EGFR: variants seen among roughly 807,000 people sequenced by gnomAD.
EGFR encodes avian erythroblastic leukemia viral (v-erb-b) oncogene homolog.
A neutral mutation model predicts 143.0 loss-of-function variants in EGFR; 58 were observed. That is an observed-to-expected ratio of 0.41 (90% CI 0.33 to 0.50). The LOEUF (loss-of-function observed/expected upper bound fraction) is 0.50. Among genes scored for constraint, EGFR ranks in the 20% least tolerant of loss-of-function variants. The pLI, the probability that EGFR is intolerant of heterozygous loss-of-function variation, is 0.39. For missense variants in EGFR, 1,307 were observed against 1,579.0 expected (o/e 0.83, Z 2.92); for synonymous variants, 613 against 594.4 (o/e 1.03, Z -0.45).
At chr7:55,149,200 A>T (rs1199306445) in intron 4 of EGFR, among the ~76,000 whole-genome samples, 1 of 152,204 alleles carries the variant, frequency 6.6e-6, no homozygotes, top group Non-Finnish European at 1.5e-5. Context: ...GGCTACCAGG[A>T]AAATATTGTG....
At chr7:55,116,220 C>T (rs1003670440) in intron 1 of EGFR, among the ~76,000 whole-genome samples, 1 of 152,216 alleles carries the variant, frequency 6.6e-6, no homozygotes, top group African/African-American at 2.4e-5. Flanking sequence ...ATCCCCTGAC[C>T]TCAAGCTCAG....
At chr7:55,179,737 T>C (rs900015796) in intron 19 of EGFR, 4 of 152,210 alleles carry the variant, frequency 2.6e-5, no homozygotes, top group Non-Finnish European at 5.9e-5. Flanking sequence ...ATGAAAAACG[T>C]TGGGGAAAAA....
intron 1 of EGFR, among the ~76,000 whole-genome samples, chr7:55,055,513 A>G (rs17289092): frequency 0.021 from 3,214 of 152,272 alleles, 111 homozygotes; most frequent in African/African-American, 0.073. Flanking sequence ...TAACACATTC[A>G]GCCCACCAGC....
At chr7:55,136,425 A>G (rs1794146950) in intron 1 of EGFR, among the ~76,000 whole-genome samples, 1 of 152,200 alleles carries the variant, frequency 6.6e-6, no homozygotes, top group African/African-American at 2.4e-5. Flanking sequence ...CGGAAACGAG[A>G]AAGGCAGAGA....
intron 1 of EGFR, among the ~76,000 whole-genome samples, chr7:55,126,355 T>C (rs867530770): frequency 6.6e-6 from 1 of 152,360 alleles, no homozygotes; most frequent in Middle Eastern, 3.4e-3. Context: ...ACCACTTACA[T>C]GACCTAGATG....
rs570295914 is a variant in EGFR at position 55,208,116 on chromosome 7, A to T, written c.*2499A>T. On this transcript the variant is annotated 3_prime_UTR_variant, in exon 28 of 28. Coordinates refer to ENST00000275493, the MANE Select transcript of EGFR (RefSeq NM_005228.5). ...CTTCTTCATATTTTAATTTTCCACC[A>T]TAAAGTTTAGTTGCTAAATTCTATT... The T allele has an allele frequency of 1.3e-5, 2 of 152,340 alleles. No homozygotes were observed. Among genetic ancestry groups the T allele is most frequent in the Admixed American group, 1.3e-4 (2 of 15,298 alleles). 9.4% of individuals were successfully genotyped at this position (152,340 alleles called of 1,614,324 possible). A position where few individuals can be genotyped will look rare whatever the true frequency, so the allele number is the denominator to read the frequency against.
intron 11 of EGFR, among the ~76,000 whole-genome samples, chr7:55,159,344 G>A (rs138013922): frequency 8.9e-4 from 136 of 151,972 alleles, no homozygotes; most frequent in South Asian, 3.3e-3. Flanking sequence ...CATGTCCACC[G>A]CGTGCTTTCC....
chr7:55,078,958 C>T (rs1046290019), intron 1 of EGFR, among the ~76,000 whole-genome samples: 5 of 152,200 alleles, frequency 3.3e-5, no homozygotes, highest in South Asian at 4.1e-4. Context: ...TCTTTCCCCA[C>T]CCCAGGGAGC....
intron 1 of EGFR, among the ~76,000 whole-genome samples, chr7:55,033,982 G>GT (rs908058462): frequency 5.3e-5 from 8 of 151,922 alleles, no homozygotes; most frequent in Non-Finnish European, 7.4e-5. Context: ...CCCATTTCTT[G>GT]TTTTTTTTCT....
chr7:55,102,366 C>T (rs898146144), intron 1 of EGFR, among the ~76,000 whole-genome samples: 5 of 152,242 alleles, frequency 3.3e-5, no homozygotes, highest in African/African-American at 1.2e-4. Flanking sequence ...CCACATTCTC[C>T]TGGTCTGTCT....
chr7:55,094,582 G>C (rs907386123), intron 1 of EGFR, among the ~76,000 whole-genome samples: 1 of 152,242 alleles, frequency 6.6e-6, no homozygotes, highest in African/African-American at 2.4e-5. Flanking sequence ...GGAGTCCACA[G>C]TGAAAACAAG....
chr7:55,198,940 T>C, intron 23 of EGFR, 77 bp downstream of exon 23: 5 of 1,581,202 alleles, frequency 3.2e-6, no homozygotes, highest in Non-Finnish European at 4.3e-6. Flanking sequence ...CTGAGGCCTT[T>C]GCATCCCTGG....
chr7:55,184,117 C>T (rs563866571), intron 20 of EGFR, among the ~76,000 whole-genome samples: 1 of 152,362 alleles, frequency 6.6e-6, no homozygotes, highest in South Asian at 2.1e-4. Context: ...CTGTCTGCGC[C>T]TCGTCTCCCG....
At chr7:55,177,512 G>A (rs1012654174) in intron 19 of EGFR, among the ~76,000 whole-genome samples, 3 of 152,192 alleles carry the variant, frequency 2.0e-5, no homozygotes, top group African/African-American at 7.2e-5. Context: ...GTGGCTTAGT[G>A]AATGAGTAAA....
rs74530128 is a variant in EGFR at position 55,129,285 on chromosome 7, G to A, written c.89-13001G>A. Among the ~76,000 whole-genome samples, 1,272 of 152,350 alleles carry A rather than the reference G, an allele frequency of 8.3e-3. 20 individuals carry two copies. The highest frequency in any genetic ancestry group is 0.029 in the African/African-American group (1,221 of 41,568). On this transcript the variant is annotated intron_variant, in intron 1 of 27. Transcript: ENST00000275493. The stretch of plus-strand genomic sequence containing the variant: ...TGGAATTCCCAGGAGGGCTGTGGAG[G>A]CGGGGAATCTGCAGGAAAGCACTGG...
intron 1 of EGFR, among the ~76,000 whole-genome samples, chr7:55,082,229 T>G (rs932287273): frequency 3.3e-5 from 5 of 152,212 alleles, no homozygotes; most frequent in Non-Finnish European, 5.9e-5. Context: ...GTGAAGGAAC[T>G]TGGGTCATTC....
intron 1 of EGFR, among the ~76,000 whole-genome samples, chr7:55,058,469 G>T (rs1013170713): frequency 6.6e-6 from 1 of 152,014 alleles, no homozygotes; most frequent in African/African-American, 2.4e-5. Context: ...AATGCCCATC[G>T]GTGATAGACT....
At chr7:55,166,349 T>C (rs748510306) in intron 15 of EGFR, 4 of 564,838 alleles carry the variant, frequency 7.1e-6, no homozygotes, top group South Asian at 3.0e-5. Context: ...TGTTTGGAAC[T>C]GTTACTCATT....
At chr7:55,052,560 T>G (rs1016552450) in intron 1 of EGFR, among the ~76,000 whole-genome samples, 3 of 152,224 alleles carry the variant, frequency 2.0e-5, no homozygotes, top group African/African-American at 7.2e-5. Context: ...GAAGGCACAC[T>G]AAGTGCTGCC....
Sources: gnomAD v4.1 joint callset for allele counts (sites outside exome capture counted in the v4.1 genomes callset) on GRCh38, gnomAD v4.1.1 for gene constraint, MANE v1.5 for transcripts, NCBI Gene and HGNC (gene_info 2026-07-23, HGNC 2026-07-21) for gene names.